The following GIGYF2 variants were observed in gnomAD, a reference collection of about 807,000 sequenced individuals.
GIGYF2 encodes the protein GRB10 interacting GYF protein 2.
In GIGYF2, 25 loss-of-function variants were observed where a neutral mutation model predicts 208.1. That is an observed-to-expected ratio of 0.12 (90% CI 0.09 to 0.17). The LOEUF is 0.17. GIGYF2 is among the 10% of genes least tolerant of loss of function. The pLI, the probability that GIGYF2 is intolerant of heterozygous loss-of-function variation, is 1.00. For missense variants in GIGYF2, 1,302 were observed against 1,579.4 expected (o/e 0.82, Z 2.98); for synonymous variants, 534 against 543.8 (o/e 0.98, Z 0.25).
chr2:232,780,546 C>G (rs1168784047), intron 8 of GIGYF2, among the ~76,000 whole-genome samples: 1 of 152,196 alleles, frequency 6.6e-6, no homozygotes, highest in Non-Finnish European at 1.5e-5. Context: ...AGACCCTTTT[C>G]CCTGAAAGAA....
chr2:232,772,667 G>T (rs932317749), intron 8 of GIGYF2, among the ~76,000 whole-genome samples: 4 of 152,170 alleles, frequency 2.6e-5, no homozygotes, highest in African/African-American at 9.7e-5. Flanking sequence ...AACAGGAAAT[G>T]CAGCTTTGCT....
chr2:232,729,414 T>G, intron 2 of GIGYF2: 1 of 517,212 alleles, frequency 1.9e-6, no homozygotes, highest in Non-Finnish European at 3.1e-6. Flanking sequence ...TTCTGAGTAA[T>G]GCAGGTCTCT....
intron 26 of GIGYF2, among the ~76,000 whole-genome samples, chr2:232,846,741 G>A (rs951388802): frequency 1.3e-5 from 2 of 152,196 alleles, no homozygotes; most frequent in Admixed American, 1.3e-4. Flanking sequence ...GATTTTTAAA[G>A]ATACCTTTAC....
chr2:232,697,738 A>T (rs1265998131), intron 1 of GIGYF2, among the ~76,000 whole-genome samples: 2 of 152,182 alleles, frequency 1.3e-5, no homozygotes, highest in Admixed American at 6.5e-5. Flanking sequence ...GGGCAGTGTC[A>T]GGCCGGCTTG....
At chr2:232,747,878 C>T in intron 4 of GIGYF2, 134 bp downstream of exon 4, 2 of 813,866 alleles carry the variant, frequency 2.5e-6, no homozygotes, top group Non-Finnish European at 4.0e-6. Flanking sequence ...TGTTTCCCTG[C>T]TTTGAAGCCT....
intron 8 of GIGYF2, among the ~76,000 whole-genome samples, chr2:232,780,331 A>G (rs540065658): frequency 6.6e-6 from 1 of 152,304 alleles, no homozygotes; most frequent in African/African-American, 2.4e-5. Flanking sequence ...ACAACCAAGT[A>G]TTTATTGCCA....
At chr2:232,710,034 C>T (rs532237480) in intron 2 of GIGYF2, among the ~76,000 whole-genome samples, 45 of 152,026 alleles carry the variant, frequency 3.0e-4, no homozygotes, top group Non-Finnish European at 5.1e-4. Flanking sequence ...ATCTCAGCTC[C>T]ATGCAAGCTC....
At position 232,735,978 on chromosome 2, in the gene GIGYF2, G is replaced by T. The variant is rs1228892672; in HGVS notation, c.41+740G>T. The T allele has an allele frequency of 3.0e-6, 3 of 983,636 alleles. No homozygotes were observed. The South Asian group carries it at 1.4e-4, about 46-fold the overall frequency. The allele number at this position is 983,636 out of a possible 1,614,324, so 60.9% of individuals were successfully genotyped here. On this transcript the variant is annotated intron_variant, in intron 3 of 28. Coordinates refer to ENST00000373563, the MANE Select transcript of GIGYF2 (RefSeq NM_001103146.3). The stretch of plus-strand genomic sequence containing the variant: ...AGTAGTATCTAAAATAGATAAATTG[G>T]ATTTGTGTCTTAAACTCTTGGTTGT...
intron 8 of GIGYF2, among the ~76,000 whole-genome samples, chr2:232,783,476 G>A (rs565879170): frequency 1.3e-5 from 2 of 152,146 alleles, no homozygotes; most frequent in Admixed American, 1.3e-4. Context: ...ATTTGTGAAA[G>A]AGGGGGTTGG....
intron 14 of GIGYF2, among the ~76,000 whole-genome samples, chr2:232,800,294 T>C (rs1441656862): frequency 6.6e-6 from 1 of 152,164 alleles, no homozygotes; most frequent in Non-Finnish European, 1.5e-5. Flanking sequence ...CCATTTTGAG[T>C]TTTTGAGTAT....
At position 232,836,284 on chromosome 2, in the gene GIGYF2, A is replaced by G. The variant is rs1187023446; in HGVS notation, c.2766+3191A>G. ...TCTACATATATATATATATATATATATATATATATATATATATATATATAT... is the reference window on the plus strand; with the variant it reads ...TCTACATATATATATATATATATATGTATATATATATATATATATATATAT... On this transcript the variant is annotated intron_variant, in intron 22 of 28. Coordinates refer to ENST00000373563, the MANE Select transcript of GIGYF2 (RefSeq NM_001103146.3). Among the ~76,000 whole-genome samples, 17 of 6,062 alleles carry G rather than the reference A, an allele frequency of 2.8e-3. 3 individuals carry two copies. The highest frequency in any genetic ancestry group is 8.8e-3 in the African/African-American group (13 of 1,478). 4.0% of individuals were successfully genotyped at this position (6,062 alleles called of 152,430 possible). A position where few individuals can be genotyped will look rare whatever the true frequency, so the allele number is the denominator to read the frequency against.
chr2:232,844,199 A>AAGCAGCAGC lies in GIGYF2; in HGVS notation c.3057_3065dup (p.Gln1020_Gln1022dup), dbSNP rs751210729. The stretch of plus-strand genomic sequence containing the variant: ...GCAGGAAGAGGCCAGGCAAATGCAA[A>AAGCAGCAGC]AGCAGCAGCAGCAGCAGCAGCAACA... On this transcript the variant is annotated inframe_insertion, in exon 24 of 29. Coordinates refer to ENST00000373563, the MANE Select transcript of GIGYF2 (RefSeq NM_001103146.3). 2.6e-6 allele frequency: 4 copies of AAGCAGCAGC among 1,561,544 alleles called. No homozygotes were observed. Among genetic ancestry groups the AAGCAGCAGC allele is most frequent in the Non-Finnish European group, 2.6e-6 (3 of 1,151,618 alleles).
chr2:232,818,014 C>T (rs1700966152), intron 20 of GIGYF2, among the ~76,000 whole-genome samples: 1 of 152,238 alleles, frequency 6.6e-6, no homozygotes, highest in Admixed American at 6.5e-5. Flanking sequence ...AGTGTCTCCA[C>T]ATTCTCACCA....
chr2:232,723,470 A>T (rs1488892733), intron 2 of GIGYF2, among the ~76,000 whole-genome samples: 3 of 136,528 alleles, frequency 2.2e-5, no homozygotes, highest in African/African-American at 8.3e-5. Context: ...TCGCTCTGTC[A>T]CCCAGGCTGG....
chr2:232,808,115 A>G (rs1049967703), intron 15 of GIGYF2, among the ~76,000 whole-genome samples: 6 of 152,090 alleles, frequency 3.9e-5, no homozygotes, highest in African/African-American at 1.4e-4. Flanking sequence ...ATGTGTTGAG[A>G]CCTATAGTTT....
At chr2:232,754,947 G>C (rs1329904765) in intron 5 of GIGYF2, among the ~76,000 whole-genome samples, 1 of 151,118 alleles carries the variant, frequency 6.6e-6, no homozygotes, top group Non-Finnish European at 1.5e-5. Context: ...ACAAATTGTT[G>C]TGAATAAAAT....
rs547136014 is a variant in GIGYF2, at chr2:232,778,400, T to C, written c.533-8750T>C. 9.8e-5 allele frequency among the ~76,000 whole-genome samples: 15 copies of C among 152,356 alleles called. No homozygotes were observed. The South Asian group carries it at 2.7e-3, about 27-fold the overall frequency. On this transcript the variant is annotated intron_variant, in intron 8 of 28. Transcript: ENST00000373563. Reference sequence around the variant, plus strand: ...TAAGTGAAGCTAATTTCTGGATCTCTACAATTTGAAAGTCTTGCTATGGTC... The same window carrying C: ...TAAGTGAAGCTAATTTCTGGATCTCCACAATTTGAAAGTCTTGCTATGGTC...
At chr2:232,723,308 T>G (rs1697027161) in intron 2 of GIGYF2, among the ~76,000 whole-genome samples, 1 of 152,224 alleles carries the variant, frequency 6.6e-6, no homozygotes, top group Non-Finnish European at 1.5e-5. Context: ...TTTATTGAAT[T>G]ATTAAAATTC....
At chr2:232,702,544 C>T (rs140316759) in intron 1 of GIGYF2, among the ~76,000 whole-genome samples, 71 of 152,158 alleles carry the variant, frequency 4.7e-4, no homozygotes, top group Non-Finnish European at 9.0e-4. Flanking sequence ...TTGTTAGTAG[C>T]AGTAAAGCAT....
Sources: gnomAD v4.1 joint callset for allele counts (sites outside exome capture counted in the v4.1 genomes callset) on GRCh38, gnomAD v4.1.1 for gene constraint, MANE v1.5 for transcripts, NCBI Gene and HGNC (gene_info 2026-07-23, HGNC 2026-07-21) for gene names.